The following DOT1L variants were observed in gnomAD, a reference collection of about 807,000 sequenced individuals.
DOT1L encodes the protein histone-lysine N-methyltransferase, H3 lysine-79 specific.
DOT1L carries 33 observed loss-of-function variants against 153.3 expected under a neutral mutation model. That is an observed-to-expected ratio of 0.22 (90% CI 0.16 to 0.29). The LOEUF (loss-of-function observed/expected upper bound fraction) is 0.29, where lower values mean the gene tolerates loss of function less well. DOT1L is among the 10% of genes least tolerant of loss of function. The pLI, the probability that DOT1L is intolerant of heterozygous loss-of-function variation, is 1.00. For synonymous variants in DOT1L, 1,135 were observed against 965.1 expected, an observed-to-expected ratio of 1.18 and a Z score of -3.26; for missense variants, 1,847 against 2,119.9, an observed-to-expected ratio of 0.87 and a Z score of 2.53.
rs2023340198 is a variant in DOT1L, at chr19:2,202,774, A to G, written c.782A>G (p.Lys261Arg). The G allele has an allele frequency of 6.2e-7, 1 of 1,614,216 alleles. No individual in the cohort carries two copies. The highest frequency in any genetic ancestry group is 8.5e-7 in the Non-Finnish European group (1 of 1,180,030). ...CTGAAGGAGCGGTTTGCAAACATGAAGGAAGGTAAGGCGCCCTCCTCGCCG... is the reference window on the plus strand; with the variant it reads ...CTGAAGGAGCGGTTTGCAAACATGAGGGAAGGTAAGGCGCCCTCCTCGCCG... ...HQLKERFANMKEGGRIVSSKP... is the reference protein window; with the variant it reads ...HQLKERFANMREGGRIVSSKP... The change falls in exon 9 of 28, where the codon AAG becomes AGG. Residue 261 changes from lysine to arginine, a missense_variant. Lys to Arg is a conservative substitution (Grantham distance 26). This residue lies in a region of DOT1L where 148 missense variants were observed against 422.3 expected (regional missense o/e 0.35). Transcript: ENST00000398665.
chr19:2,227,716 G>T (rs1372979063), intron 27 of DOT1L: 3 of 1,305,704 alleles, frequency 2.3e-6, no homozygotes, highest in South Asian at 2.5e-5. Context: ...TTGAAGCTGC[G>T]TTTTTCTCTC....
intron 1 of DOT1L, among the ~76,000 whole-genome samples, chr19:2,172,920 T>C (rs1192468826): frequency 6.6e-6 from 1 of 150,708 alleles, no homozygotes; most frequent in African/African-American, 2.4e-5. Context: ...GAGCTTGCAG[T>C]GAGCTGAGAT....
intron 25 of DOT1L, 55 bp from the exon 26 acceptor site, chr19:2,225,333 T>C: frequency 6.5e-7 from 1 of 1,546,844 alleles, no homozygotes; most frequent in Non-Finnish European, 8.9e-7. Flanking sequence ...AGCATTTGTG[T>C]CATTCTTAGT....
In DOT1L at chr19:2,231,599, C is replaced by G. The variant is rs1036983707; in HGVS notation, c.*1807C>G. The G allele has an allele frequency of 4.8e-6, 1 of 208,552 alleles. No homozygotes were observed. The highest frequency in any genetic ancestry group is 9.8e-6 in the Non-Finnish European group (1 of 102,366). The allele number at this position is 208,552 out of a possible 1,614,324, so 12.9% of individuals were successfully genotyped here. A position where few individuals can be genotyped will look rare whatever the true frequency, so the allele number is the denominator to read the frequency against. ...GTGGTGCCCAGTGCCCTCCCCACCC[C>G]ACGTTGGTGCTCTCAGCTAGAAGGT... On this transcript the variant is annotated 3_prime_UTR_variant, in exon 28 of 28. Coordinates refer to ENST00000398665, the MANE Select transcript of DOT1L (RefSeq NM_032482.3).
In DOT1L at chr19:2,200,450, A is replaced by G. The variant is rs1057076415; in HGVS notation, c.707+511A>G. On this transcript the variant is annotated intron_variant, in intron 8 of 27. Coordinates refer to ENST00000398665, the MANE Select transcript of DOT1L (RefSeq NM_032482.3). ...CAGGGCACTGTCCAGGTCCGTCCCC[A>G]CCGCCACCTGTTTGTCCTGGTGGCC... is the stretch of plus-strand genomic sequence containing the variant. 3.3e-5 allele frequency among the ~76,000 whole-genome samples: 5 copies of G among 151,924 alleles called. No individual in the cohort carries two copies. The East Asian group carries it at 9.7e-4, about 29-fold the overall frequency.
At chr19:2,178,089 A>AT (rs879901295) in intron 1 of DOT1L, among the ~76,000 whole-genome samples, 2,895 of 141,750 alleles carry the variant, frequency 0.02, 79 homozygotes, top group African/African-American at 0.064. Context: ...TGCCCAGCTA[A>AT]TTTTTTTTTT....
At chr19:2,202,836 C>T (rs2023343217) in intron 9 of DOT1L, 57 bp downstream of exon 9, 3 of 1,587,298 alleles carry the variant, frequency 1.9e-6, no homozygotes, top group African/African-American at 1.3e-5. Context: ...GAAGGGTGGC[C>T]AGGAGGTCCC....
rs377172053 is a variant in DOT1L, at chr19:2,193,768, G to T, written c.573G>T (p.Pro191=). ...HHYGVEKADI[P]AKYAETMDRE... ...ATGGCGTCGAGAAAGCAGACATCCC[G>T]GCCAAGTATGCGGAGGTGAGCGGAT... Residue 191 remains proline (P), a synonymous_variant, in exon 6 of 28, where the codon CCG becomes CCT. Transcript: ENST00000398665. This position sits in a 1 kb window ranked among gnomAD's most constrained non-coding sequence, Gnocchi z 5.9. 7 of 1,613,976 alleles carry T rather than the reference G, an allele frequency of 4.3e-6. No individual in the cohort carries two copies. Among genetic ancestry groups the T allele is most frequent in the Non-Finnish European group, 5.9e-6 (7 of 1,179,950 alleles).
intron 2 of DOT1L, among the ~76,000 whole-genome samples, chr19:2,181,435 A>G (rs562087954): frequency 1.7e-4 from 26 of 152,168 alleles, no homozygotes; most frequent in South Asian, 1.0e-3. Flanking sequence ...CAGCTGCCAT[A>G]AGGGCCATGC....
Position 2,222,305 on chromosome 19 carries a change from G to T in DOT1L, c.3136G>T (p.Val1046Leu), listed in dbSNP as rs188376638. 320 of 1,613,086 alleles carry T rather than the reference G, an allele frequency of 2.0e-4. No individual in the cohort carries two copies. The African/African-American group carries it at 3.8e-3, about 19-fold the overall frequency. Residue 1046 changes from valine (V) to leucine (L), a missense_variant, in exon 24 of 28, where the codon GTG (valine) becomes TTG (leucine). Physicochemically the swap from Val to Leu is conservative, Grantham distance 32. Coordinates refer to ENST00000398665, the MANE Select transcript of DOT1L (RefSeq NM_032482.3). The surrounding 1 kb of genome is among the most constrained non-coding windows in gnomAD (Gnocchi z 6.5). Reference protein sequence around the residue: ...DPESEAKRRIVFTITTGAGSA... With the variant: ...DPESEAKRRILFTITTGAGSA... Reference sequence around the variant, plus strand: ...TGAGAGTGAAGCCAAGAGGAGGATTGTGTTCACCATCACCACTGGTGCGGG... The same window carrying T: ...TGAGAGTGAAGCCAAGAGGAGGATTTTGTTCACCATCACCACTGGTGCGGG...
Position 2,171,461 on chromosome 19 carries a change from C to T in DOT1L, c.81+7196C>T, listed in dbSNP as rs569817001. ...TCTGCCCCCAGGGGACACCTGGTGG[C>T]GTCTAGAGACCTTTGCGGTTGTCAC... is the stretch of plus-strand genomic sequence containing the variant. On this transcript the variant is annotated intron_variant, in intron 1 of 27. Coordinates refer to ENST00000398665, the MANE Select transcript of DOT1L (RefSeq NM_032482.3). Among the ~76,000 whole-genome samples the T allele has an allele frequency of 5.9e-5, 9 of 152,256 alleles. No individual in the cohort carries two copies. The South Asian group carries it at 1.7e-3, about 28-fold the overall frequency.
intron 1 of DOT1L, among the ~76,000 whole-genome samples, chr19:2,179,005 C>T (rs915818187): frequency 1.3e-5 from 2 of 152,196 alleles, no homozygotes; most frequent in African/African-American, 2.4e-5. Context: ...CCCATCCCAT[C>T]ATTGCCATGA....
intron 3 of DOT1L, among the ~76,000 whole-genome samples, chr19:2,188,972 G>A (rs1288135004): frequency 6.6e-6 from 1 of 152,202 alleles, no homozygotes; most frequent in Non-Finnish European, 1.5e-5. Context: ...CCCTCTGGTG[G>A]GCTCTGCCCC....
In DOT1L at chr19:2,211,193, C is replaced by G; in HGVS notation, c.1446C>G (p.Pro482=). ...CGCTGCTGGTGGCGCCCACCCCGCC[C>G]GCGCTGCAGAAGCTTCTAGGTGAGC... ...PNPLLVAPTP[P]ALQKLLESFK... Residue 482 remains proline, a synonymous_variant, in exon 15 of 28, where the codon CCC becomes CCG. Coordinates refer to ENST00000398665, the MANE Select transcript of DOT1L (RefSeq NM_032482.3). The G allele has an allele frequency of 3.1e-6, 5 of 1,610,636 alleles. No individual in the cohort carries two copies. The highest frequency in any genetic ancestry group is 4.2e-6 in the Non-Finnish European group (5 of 1,178,998).
intron 26 of DOT1L, 146 bp downstream of exon 26, chr19:2,225,598 T>C (rs1185051519): frequency 2.1e-5 from 19 of 910,400 alleles, no homozygotes; most frequent in South Asian, 2.9e-5. Context: ...GGTGCTGGCC[T>C]GCTGCGTCGT....
chr19:2,183,799 G>C (rs1014201761), intron 2 of DOT1L, among the ~76,000 whole-genome samples: 1 of 152,004 alleles, frequency 6.6e-6, no homozygotes, highest in African/African-American at 2.4e-5. Flanking sequence ...GCAAATTTTT[G>C]TGTTTTTAGT....
At chr19:2,228,115 C>T (rs746963753) in intron 27 of DOT1L, 21 of 1,360,688 alleles carry the variant, frequency 1.5e-5, no homozygotes, top group Non-Finnish European at 2.0e-5. Context: ...CCCACCTCTG[C>T]TGCCTCTCTG....
chr19:2,227,185 C>T (rs768651414), intron 27 of DOT1L, 58 bp downstream of exon 27: 7 of 1,578,396 alleles, frequency 4.4e-6, no homozygotes, highest in African/African-American at 1.3e-5. Flanking sequence ...AGGCCCCTTC[C>T]TTTGCAGGTT....
In DOT1L at chr19:2,187,853, C is replaced by T. The variant is rs147976118; in HGVS notation, c.201-1879C>T. 5.0e-3 allele frequency among the ~76,000 whole-genome samples: 735 copies of T among 147,722 alleles called. 26 individuals carry two copies. The East Asian group carries it at 0.089, about 18-fold the overall frequency. On this transcript the variant is annotated intron_variant, in intron 3 of 27. Coordinates refer to ENST00000398665, the MANE Select transcript of DOT1L (RefSeq NM_032482.3). ...AGGAGAATGGTGTGAACCCGGGAGG[C>T]GGAGCTTGCAGTGAGCTGAGATCGC...
Sources: allele counts gnomAD v4.1 joint callset (sites outside exome capture counted in the v4.1 genomes callset), GRCh38; gene constraint gnomAD v4.1.1; regional missense constraint gnomAD v4.1.1; non-coding constraint Gnocchi (gnomAD v3.1); transcripts MANE v1.5; gene names NCBI Gene and HGNC (gene_info 2026-07-23, HGNC 2026-07-21).